EFL1: variants seen among roughly 807,000 people sequenced by gnomAD.
The protein encoded by EFL1 is elongation factor-like GTPase 1.
Under a neutral mutation model 126.7 loss-of-function variants are expected in EFL1, and 76 were observed. That is an observed-to-expected ratio of 0.60 (90% CI 0.50 to 0.73). EFL1 has a LOEUF of 0.73. Ranked by LOEUF, EFL1 falls within the 30% of genes least tolerant of loss-of-function variation. EFL1 has a pLI of 0.00. For synonymous variants in EFL1, 410 were observed against 448.4 expected, an observed-to-expected ratio of 0.91 and a Z score of 1.08; for missense variants, 1,128 against 1,343.2, an observed-to-expected ratio of 0.84 and a Z score of 2.50.
At chr15:82,254,064 G>A (rs950402060) in intron 3 of EFL1, among the ~76,000 whole-genome samples, 2 of 152,154 alleles carry the variant, frequency 1.3e-5, no homozygotes, top group Admixed American at 1.3e-4. Context: ...TATTAATTCT[G>A]AAATTTTCAG....
chr15:82,232,551 T>C (rs757888270), intron 7 of EFL1, among the ~76,000 whole-genome samples: 2 of 152,232 alleles, frequency 1.3e-5, no homozygotes, highest in Non-Finnish European at 2.9e-5. Context: ...GTTATGATAA[T>C]TGATAGTTAA....
At chr15:82,168,517 CTGTT>C (rs751847239) in intron 15 of EFL1, among the ~76,000 whole-genome samples, 3 of 152,186 alleles carry the variant, frequency 2.0e-5, no homozygotes, top group African/African-American at 7.2e-5. Context: ...AGTTTTCTGT[CTGTT>C]TGTTTTTGAG....
intron 18 of EFL1, among the ~76,000 whole-genome samples, chr15:82,149,897 T>C (rs1013814221): frequency 2.6e-5 from 4 of 152,144 alleles, no homozygotes; most frequent in African/African-American, 9.6e-5. Flanking sequence ...TAAGCATTTG[T>C]CGGGGTAGGA....
chr15:82,190,571 G>A (rs184588812), intron 15 of EFL1, among the ~76,000 whole-genome samples: 2 of 152,052 alleles, frequency 1.3e-5, no homozygotes, highest in Admixed American at 6.5e-5. Flanking sequence ...TCAAATCGGT[G>A]GTCTCCATAA....
intron 7 of EFL1, among the ~76,000 whole-genome samples, chr15:82,236,722 T>TA (rs2074876180): frequency 6.6e-6 from 1 of 151,944 alleles, no homozygotes; most frequent in African/African-American, 2.4e-5. Context: ...AACCAAAACT[T>TA]ATAGAAAAAA....
At position 82,219,653 on chromosome 15, in the gene EFL1, C is replaced by G; in HGVS notation, c.1610G>C (p.Arg537Thr). The change falls in exon 14 of 20, where the codon AGG becomes ACG. Residue 537 changes from arginine (R) to threonine (T), a missense_variant and splice_region_variant. Coordinates refer to ENST00000268206, the MANE Select transcript of EFL1 (RefSeq NM_024580.6). ...AAATATTTTACTTTCAATTCTTACC[C>G]TTCGTAAAAACTCAAGAGGACTGTA... ...PKYSPLEFLR[R>T]VPLGFSAPPD... 2 of 1,602,732 alleles carry G rather than the reference C, an allele frequency of 1.2e-6. No homozygotes were observed. The highest frequency in any genetic ancestry group is 1.7e-6 in the Non-Finnish European group (2 of 1,177,032).
In EFL1 at chr15:82,218,207, A is replaced by C. The variant is rs1489753468; in HGVS notation, c.1611+1445T>G. Among the ~76,000 whole-genome samples the C allele has an allele frequency of 2.0e-5, 3 of 152,218 alleles. No individual in the cohort carries two copies. The South Asian group carries it at 6.2e-4, about 31-fold the overall frequency. On this transcript the variant is annotated intron_variant, in intron 14 of 19. Transcript: ENST00000268206. ...AATGTGTAATGTTTCAAGCTGCTAC[A>C]TTTGTTGTAATCTGTAATATGCAGT...
At chr15:82,153,895 G>A (rs1396144253) in intron 17 of EFL1, among the ~76,000 whole-genome samples, 1 of 151,970 alleles carries the variant, frequency 6.6e-6, no homozygotes, top group Non-Finnish European at 1.5e-5. Context: ...TTAGGAATAG[G>A]AAAATATTTC....
intron 14 of EFL1, among the ~76,000 whole-genome samples, chr15:82,217,497 A>G (rs938700397): frequency 4.0e-5 from 6 of 151,806 alleles, no homozygotes; most frequent in Admixed American, 2.6e-4. Flanking sequence ...AGCTACGGGA[A>G]TAGGCATTAA....
chr15:82,200,903 G>C (rs75282197), intron 15 of EFL1, among the ~76,000 whole-genome samples: 1 of 151,232 alleles, frequency 6.6e-6, no homozygotes, highest in Non-Finnish European at 1.5e-5. Context: ...TTTTTTTTAA[G>C]ACAGTGTTCC....
chr15:82,144,602 C>T (rs952522929), intron 18 of EFL1, among the ~76,000 whole-genome samples: 7 of 152,168 alleles, frequency 4.6e-5, no homozygotes, highest in Admixed American at 1.3e-4. Flanking sequence ...GCAGGAATCA[C>T]GTTTAACACA....
intron 15 of EFL1, among the ~76,000 whole-genome samples, chr15:82,181,780 G>A (rs571999039): frequency 7.2e-5 from 11 of 152,096 alleles, no homozygotes; most frequent in African/African-American, 2.7e-4. Flanking sequence ...TTCAAATCAC[G>A]TTCCTTATTA....
intron 14 of EFL1, among the ~76,000 whole-genome samples, chr15:82,219,341 CT>C (rs2141302001): frequency 6.6e-6 from 1 of 152,332 alleles, no homozygotes; most frequent in South Asian, 2.1e-4. Context: ...ATTGCCCTGG[CT>C]CCAGCATGAC....
chr15:82,206,423 T>C (rs1458781099), intron 15 of EFL1, among the ~76,000 whole-genome samples: 1 of 152,138 alleles, frequency 6.6e-6, no homozygotes, highest in Non-Finnish European at 1.5e-5. Flanking sequence ...ACATATTAAA[T>C]AACTACAGAT....
At chr15:82,186,345 C>T (rs1018036519) in intron 15 of EFL1, among the ~76,000 whole-genome samples, 4 of 152,138 alleles carry the variant, frequency 2.6e-5, no homozygotes, top group African/African-American at 9.7e-5. Context: ...ATTAACATAA[C>T]ACAAAAATCT....
chr15:82,219,604 T>G, intron 14 of EFL1, 48 bp downstream of exon 14: 1 of 1,554,112 alleles, frequency 6.4e-7, no homozygotes, highest in Non-Finnish European at 8.7e-7. Context: ...TGAAAAGATA[T>G]CAGACCCTCG....
intron 15 of EFL1, among the ~76,000 whole-genome samples, chr15:82,165,268 A>C (rs2074067061): frequency 1.4e-5 from 2 of 147,686 alleles, no homozygotes; most frequent in African/African-American, 5.4e-5. Flanking sequence ...AGAGAGAAAA[A>C]GAGAGAGAGT....
intron 7 of EFL1, among the ~76,000 whole-genome samples, chr15:82,237,758 A>C (rs1236552834): frequency 6.6e-6 from 1 of 151,930 alleles, no homozygotes; most frequent in African/African-American, 2.4e-5. Context: ...AAAAAAAAAA[A>C]AACACCAGAT....
chr15:82,252,247 T>A (rs1183779697), intron 4 of EFL1, among the ~76,000 whole-genome samples: 1 of 152,258 alleles, frequency 6.6e-6, no homozygotes, highest in African/African-American at 2.4e-5. Flanking sequence ...TATACTTACA[T>A]GACTATTTCT....
Sources: allele counts gnomAD v4.1 joint callset (sites outside exome capture counted in the v4.1 genomes callset), GRCh38; gene constraint gnomAD v4.1.1; transcripts MANE v1.5; gene names NCBI Gene and HGNC (gene_info 2026-07-23, HGNC 2026-07-21).